ANKRD11: variants seen among roughly 807,000 people sequenced by gnomAD.
ANKRD11 encodes the protein ankyrin repeat domain-containing protein 11.
In ANKRD11, 17 loss-of-function variants were observed where a neutral mutation model predicts 195.7. The ratio of observed to expected loss-of-function variants is 0.09; its 90% CI spans 0.06 to 0.13. The LOEUF (loss-of-function observed/expected upper bound fraction) is 0.13, where lower values mean the gene tolerates loss of function less well. Among genes scored for constraint, ANKRD11 ranks in the 10% least tolerant of loss-of-function variants. The probability of loss-of-function intolerance (pLI) is 1.00; values close to 1 mark genes in which losing one functional copy is unlikely to be tolerated. For missense variants in ANKRD11, 3,735 were observed against 3,566.1 expected (o/e 1.05, Z -1.21); for synonymous variants, 1,953 against 1,528.1 (o/e 1.28, Z -6.49).
intron 2 of ANKRD11, among the ~76,000 whole-genome samples, chr16:89,406,568 G>A (rs1848711496): frequency 6.6e-6 from 1 of 152,200 alleles, no homozygotes; most frequent in Admixed American, 6.5e-5. Flanking sequence ...GAAGACAGAT[G>A]TGCTTCCCCA....
chr16:89,277,545 T>A (rs2033760088), intron 9 of ANKRD11: 1 of 152,192 alleles, frequency 6.6e-6, no homozygotes, highest in Non-Finnish European at 1.5e-5. Flanking sequence ...GCACAGAAGG[T>A]CAGAAGATCA....
At chr16:89,403,258 T>C (rs1294169122) in intron 2 of ANKRD11, among the ~76,000 whole-genome samples, 2 of 152,118 alleles carry the variant, frequency 1.3e-5, no homozygotes, top group African/African-American at 4.8e-5. Context: ...TGATGCGCAC[T>C]CACTCACACC....
intron 3 of ANKRD11, among the ~76,000 whole-genome samples, chr16:89,314,901 A>G (rs1167042070): frequency 6.6e-6 from 1 of 152,202 alleles, no homozygotes; most frequent in Admixed American, 6.5e-5. Flanking sequence ...TTCACTCAGC[A>G]GTCTGTTCAC....
chr16:89,280,665 G>A lies in ANKRD11; in HGVS notation c.5877C>T (p.Ala1959=), dbSNP rs759714831. 4.2e-5 allele frequency: 67 copies of A among 1,613,474 alleles called. No individual in the cohort carries two copies. In the East Asian group the frequency reaches 8.9e-4, roughly 21 times the overall value. The change falls in exon 9 of 13, where the codon GCC becomes GCT. Residue 1959 remains alanine, a synonymous_variant. Transcript: ENST00000301030. Reference sequence around the variant, plus strand: ...CAGAGGTGCCCCCGATCAGGCTAGAGGCAAGCGCCTGCTCGGAGGGGTGGG... The same window carrying A: ...CAGAGGTGCCCCCGATCAGGCTAGAAGCAAGCGCCTGCTCGGAGGGGTGGG... ...EWAHPSEQAL[A]SSLIGGTSEN...
chr16:89,468,668 C>G (rs1223296645), intron 1 of ANKRD11, among the ~76,000 whole-genome samples: 1 of 152,136 alleles, frequency 6.6e-6, no homozygotes, highest in Non-Finnish European at 1.5e-5. Context: ...GATCGCGCCA[C>G]TGCACTCCAG....
At chr16:89,443,243 G>A (rs2043611598) in intron 1 of ANKRD11, 1 of 152,124 alleles carries the variant, frequency 6.6e-6, no homozygotes, top group Non-Finnish European at 1.5e-5. Flanking sequence ...GGGATTACAG[G>A]TGTGAGCCAC....
intron 2 of ANKRD11, among the ~76,000 whole-genome samples, chr16:89,363,045 T>G (rs1314800088): frequency 1.3e-5 from 2 of 151,988 alleles, no homozygotes; most frequent in Non-Finnish European, 2.9e-5. Flanking sequence ...CTGGCGAGTG[T>G]ACCCTTTCTG....
chr16:89,315,017 C>T (rs911678957), intron 3 of ANKRD11, among the ~76,000 whole-genome samples: 11 of 152,196 alleles, frequency 7.2e-5, no homozygotes, highest in African/African-American at 2.4e-4. Flanking sequence ...CTTTCACAGA[C>T]GTTCTGAGGT....
intron 4 of ANKRD11, among the ~76,000 whole-genome samples, chr16:89,294,176 G>A (rs555435615): frequency 6.6e-6 from 1 of 152,282 alleles, no homozygotes; most frequent in South Asian, 2.1e-4. Context: ...AAGAAAGCCT[G>A]AGTTGGCTTC....
chr16:89,388,560 A>C (rs2041030987), intron 2 of ANKRD11, among the ~76,000 whole-genome samples: 1 of 152,138 alleles, frequency 6.6e-6, no homozygotes, highest in Non-Finnish European at 1.5e-5. Flanking sequence ...AAAAAGCCTG[A>C]ATGCTGCATG....
At chr16:89,300,685 G>A (rs2035795881) in intron 4 of ANKRD11, 1 of 539,002 alleles carries the variant, frequency 1.9e-6, no homozygotes, top group Admixed American at 3.7e-5. Context: ...TCTCCTATCT[G>A]AGGCACCAGG....
intron 1 of ANKRD11, among the ~76,000 whole-genome samples, chr16:89,429,336 C>A (rs1271389847): frequency 8.4e-4 from 41 of 48,862 alleles, no homozygotes; most frequent in African/African-American, 2.8e-3. Context: ...TAGTACACAG[C>A]AGGGACTCTC....
At chr16:89,398,324 AG>A (rs1196904615) in intron 2 of ANKRD11, among the ~76,000 whole-genome samples, 1 of 136,548 alleles carries the variant, frequency 7.3e-6, no homozygotes, top group Non-Finnish European at 1.6e-5. Context: ...ACTGTGAAAC[AG>A]CTGAAGACTA....
chr16:89,382,337 T>TATATATA lies in ANKRD11; in HGVS notation c.-60+35946_-60+35947insTATATAT, dbSNP rs200805935. On this transcript the variant is annotated intron_variant, in intron 2 of 12. Coordinates refer to ENST00000301030, the MANE Select transcript of ANKRD11 (RefSeq NM_013275.6). Reference sequence around the variant, plus strand: ...AGTCTAGAAATATATATATATATATTTTTTTAAAGACAGAGTCTCGTTCTG... The same window carrying TATATATA: ...AGTCTAGAAATATATATATATATATTATATATATTTTTAAAGACAGAGTCTCGTTCTG... 1.9e-4 allele frequency among the ~76,000 whole-genome samples: 28 copies of TATATATA among 149,786 alleles called. No homozygotes were observed. The Middle Eastern group carries it at 0.01, about 55-fold the overall frequency.
chr16:89,410,077 G>A (rs978417710), intron 2 of ANKRD11, among the ~76,000 whole-genome samples: 5 of 152,126 alleles, frequency 3.3e-5, no homozygotes, highest in Non-Finnish European at 7.3e-5. Context: ...CTGACCTCGT[G>A]ATCCGCCCGC....
At chr16:89,395,241 A>C (rs2041374732) in intron 2 of ANKRD11, among the ~76,000 whole-genome samples, 1 of 152,248 alleles carries the variant, frequency 6.6e-6, no homozygotes, top group African/African-American at 2.4e-5. Flanking sequence ...AAGCCAAGTA[A>C]ACTGGCTGAG....
chr16:89,381,243 AATT>A (rs2040632045), intron 2 of ANKRD11, among the ~76,000 whole-genome samples: 1 of 150,860 alleles, frequency 6.6e-6, no homozygotes, highest in African/African-American at 2.4e-5. Flanking sequence ...GAGGCAGGAG[AATT>A]GCTTGAACCC....
intron 2 of ANKRD11, among the ~76,000 whole-genome samples, chr16:89,413,266 TA>T (rs551828035): frequency 2.6e-4 from 40 of 152,348 alleles, no homozygotes; most frequent in African/African-American, 8.2e-4. Flanking sequence ...TTACTACGCA[TA>T]TTTTTTTGAT....
intron 2 of ANKRD11, among the ~76,000 whole-genome samples, chr16:89,365,260 A>G (rs2039896461): frequency 6.6e-6 from 1 of 152,204 alleles, no homozygotes; most frequent in Non-Finnish European, 1.5e-5. Flanking sequence ...GATTCTTTCA[A>G]TCCCAGGCCA....
Sources: gnomAD v4.1 joint callset for allele counts (sites outside exome capture counted in the v4.1 genomes callset) on GRCh38, gnomAD v4.1.1 for gene constraint, MANE v1.5 for transcripts, NCBI Gene and HGNC (gene_info 2026-07-23, HGNC 2026-07-21) for gene names.